Variants in MIPOL1 observed in about 807,000 individuals in gnomAD.
MIPOL1 encodes mirror-image polydactyly gene 1 protein.
A neutral mutation model predicts 60.9 loss-of-function variants in MIPOL1; 57 were observed. The ratio of observed to expected loss-of-function variants is 0.94; its 90% confidence interval spans 0.76 to 1.17. MIPOL1 has a LOEUF of 1.17. Ranked by LOEUF, MIPOL1 falls within the 50% of genes most tolerant of loss-of-function variation. The probability of loss-of-function intolerance (pLI) is 0.00; values close to 1 mark genes in which losing one functional copy is unlikely to be tolerated. For missense variants in MIPOL1, 551 were observed against 511.6 expected (o/e 1.08, Z -0.74); for synonymous variants, 179 against 168.8 (o/e 1.06, Z -0.47).
chr14:37,409,614 C>T (rs1047555745), intron 10 of MIPOL1, among the ~76,000 whole-genome samples: 3 of 151,978 alleles, frequency 2.0e-5, no homozygotes, highest in Non-Finnish European at 4.4e-5. Context: ...GGTGAAACCC[C>T]GTCTCTTATA....
chr14:37,272,987 A>G (rs905271251), intron 6 of MIPOL1, among the ~76,000 whole-genome samples: 2 of 151,306 alleles, frequency 1.3e-5, no homozygotes, highest in Non-Finnish European at 3.0e-5. Context: ...GCATTTTCTT[A>G]GAGTATGTAA....
intron 11 of MIPOL1, among the ~76,000 whole-genome samples, chr14:37,477,982 G>A (rs1164554838): frequency 6.6e-6 from 1 of 152,228 alleles, no homozygotes; most frequent in Non-Finnish European, 1.5e-5. Flanking sequence ...ATGCCCCATT[G>A]GGAACAATGA....
chr14:37,534,273 T>G (rs71405797), intron 12 of MIPOL1, among the ~76,000 whole-genome samples: 1,814 of 152,292 alleles, frequency 0.012, 19 homozygotes, highest in Non-Finnish European at 0.015. Flanking sequence ...CCAAACTCCT[T>G]CGATTTAAAG....
intron 1 of MIPOL1, among the ~76,000 whole-genome samples, chr14:37,215,881 G>A (rs34138206): frequency 0.26 from 39,164 of 151,822 alleles, 5,217 homozygotes; most frequent in South Asian, 0.33. Flanking sequence ...CAGCCTGGCC[G>A]ATGTGGTGAA....
At chr14:37,234,212 T>C (rs1486156929) in intron 1 of MIPOL1, among the ~76,000 whole-genome samples, 1 of 152,184 alleles carries the variant, frequency 6.6e-6, no homozygotes, top group Non-Finnish European at 1.5e-5. Flanking sequence ...TGTTAGTTAT[T>C]GTTTCTGCTG....
chr14:37,409,384 G>A (rs768082816), intron 10 of MIPOL1, among the ~76,000 whole-genome samples: 17 of 151,530 alleles, frequency 1.1e-4, no homozygotes, highest in Admixed American at 4.6e-4. Context: ...GGAAACATTA[G>A]GCAAATCTGG....
At chr14:37,473,224 CCT>C (rs1180915630) in intron 11 of MIPOL1, among the ~76,000 whole-genome samples, 1 of 152,130 alleles carries the variant, frequency 6.6e-6, no homozygotes, top group Non-Finnish European at 1.5e-5. Flanking sequence ...ACACCTCCCG[CCT>C]CTTTCTCCTG....
chr14:37,308,524 C>T lies in MIPOL1; in HGVS notation c.828+5C>T, dbSNP rs2086986165. 2 of 1,558,284 alleles carry T rather than the reference C, an allele frequency of 1.3e-6. No individual in the cohort carries two copies. The highest frequency in any genetic ancestry group is 1.2e-5 in the South Asian group (1 of 80,214). ...CGGGATGCTGCCTTGTCTAAGGTAACTCTGCATATATCTGTAAAAGCATAT... is the reference window on the plus strand; with the variant it reads ...CGGGATGCTGCCTTGTCTAAGGTAATTCTGCATATATCTGTAAAAGCATAT... On this transcript the variant is annotated splice_donor_5th_base_variant and intron_variant, in intron 9 of 12. Coordinates refer to ENST00000684589, the MANE Select transcript of MIPOL1 (RefSeq NM_001388067.1).
At chr14:37,312,357 C>T (rs1050808508) in intron 9 of MIPOL1, among the ~76,000 whole-genome samples, 2 of 152,126 alleles carry the variant, frequency 1.3e-5, no homozygotes, top group African/African-American at 2.4e-5. Flanking sequence ...ATGATCTGCC[C>T]ACCTTGGCCT....
At chr14:37,370,907 G>T (rs2092620757) in intron 10 of MIPOL1, among the ~76,000 whole-genome samples, 1 of 152,122 alleles carries the variant, frequency 6.6e-6, no homozygotes, top group Non-Finnish European at 1.5e-5. Flanking sequence ...TCCATAATGT[G>T]TGCTAATTTA....
chr14:37,268,520 A>G lies in MIPOL1; in HGVS notation c.252-138A>G, dbSNP rs138398469. On this transcript the variant is annotated intron_variant, in intron 4 of 12. Coordinates refer to ENST00000684589, the MANE Select transcript of MIPOL1 (RefSeq NM_001388067.1). ...TTACAAATTTAATATAAGGCCTTCA[A>G]AAAAACAGCCCATCTCTTTTCCTTT... 5,878 of 638,416 alleles carry G rather than the reference A, an allele frequency of 9.2e-3. 50 individuals are homozygous for G. The highest frequency in any genetic ancestry group is 0.014 in the Middle Eastern group (29 of 2,082). 39.5% of individuals were successfully genotyped at this position (638,416 alleles called of 1,614,324 possible).
At chr14:37,470,613 A>G (rs1403105685) in intron 11 of MIPOL1, among the ~76,000 whole-genome samples, 1 of 152,058 alleles carries the variant, frequency 6.6e-6, no homozygotes, top group Non-Finnish European at 1.5e-5. Flanking sequence ...CAGAACTGTG[A>G]GCCAATTAAA....
chr14:37,521,910 A>ATATATAT lies in MIPOL1; in HGVS notation c.1262+21773_1262+21774insATATATT, dbSNP rs572835469. ...GAAAAAAAAATATATATATATATAT[A>ATATATAT]TTTTTTTTTTCTTTGGCTTCAAAAA... On this transcript the variant is annotated intron_variant, in intron 12 of 12. Coordinates refer to ENST00000684589, the MANE Select transcript of MIPOL1 (RefSeq NM_001388067.1). Among the ~76,000 whole-genome samples the ATATATAT allele has an allele frequency of 2.4e-3, 320 of 132,764 alleles. 1 individual carries two copies. The highest frequency in any genetic ancestry group is 8.2e-3 in the African/African-American group (296 of 35,922). The allele number at this position is 132,764 out of a possible 152,430, so 87.1% of individuals were successfully genotyped here. A position where few individuals can be genotyped will look rare whatever the true frequency, so the allele number is the denominator to read the frequency against.
At chr14:37,348,395 A>G (rs930372244) in intron 9 of MIPOL1, among the ~76,000 whole-genome samples, 2 of 152,200 alleles carry the variant, frequency 1.3e-5, no homozygotes, top group African/African-American at 4.8e-5. Flanking sequence ...GTGATGATCA[A>G]TTAGGACTCA....
At chr14:37,485,226 C>G (rs1018022897) in intron 11 of MIPOL1, among the ~76,000 whole-genome samples, 1 of 152,186 alleles carries the variant, frequency 6.6e-6, no homozygotes, top group African/African-American at 2.4e-5. Flanking sequence ...TTTATCCAGT[C>G]TATCACTGAT....
At position 37,403,774 on chromosome 14, in the gene MIPOL1, A is replaced by G. The variant is rs538307875; in HGVS notation, c.937-19081A>G. Among the ~76,000 whole-genome samples, 8 of 152,312 alleles carry G rather than the reference A, an allele frequency of 5.3e-5. No homozygotes were observed. The Middle Eastern group carries it at 0.01, about 194-fold the overall frequency. ...ACTGAGGTGTTAAAAACTGATAAGC[A>G]GTAGGCTTTTCTATTTAATGCTGGA... On this transcript the variant is annotated intron_variant, in intron 10 of 12. Transcript: ENST00000684589.
intron 10 of MIPOL1, among the ~76,000 whole-genome samples, chr14:37,411,256 A>G (rs917765548): frequency 6.6e-6 from 1 of 152,154 alleles, no homozygotes; most frequent in Non-Finnish European, 1.5e-5. Flanking sequence ...CCCTGACAGA[A>G]TGGTTTCCTG....
chr14:37,501,124 A>G (rs1274242578), intron 12 of MIPOL1, among the ~76,000 whole-genome samples: 1 of 152,214 alleles, frequency 6.6e-6, no homozygotes, highest in Non-Finnish European at 1.5e-5. Flanking sequence ...ATTTTAAAAC[A>G]GTTTAGAAAT....
intron 1 of MIPOL1, among the ~76,000 whole-genome samples, chr14:37,216,180 A>AG (rs1967663104): frequency 1.3e-5 from 2 of 152,212 alleles, no homozygotes; most frequent in Non-Finnish European, 2.9e-5. Context: ...AAAACTATGA[A>AG]AAGAGACAAT....
Sources: gnomAD v4.1 joint callset for allele counts (sites outside exome capture counted in the v4.1 genomes callset) on GRCh38, gnomAD v4.1.1 for gene constraint, MANE v1.5 for transcripts, NCBI Gene and HGNC (gene_info 2026-07-23, HGNC 2026-07-21) for gene names.